The following TBC1D20 variants were observed in gnomAD, a reference collection of about 807,000 sequenced individuals.
The protein encoded by TBC1D20 is chromosome 20 open reading frame 140.
A neutral mutation model predicts 41.6 loss-of-function variants in TBC1D20; 12 were observed. That is an observed-to-expected ratio of 0.29 (90% CI 0.18 to 0.47). The LOEUF (loss-of-function observed/expected upper bound fraction) is 0.47. TBC1D20 is among the 20% of genes least tolerant of loss of function. The pLI, the probability that TBC1D20 is intolerant of heterozygous loss-of-function variation, is 1.00. For synonymous variants in TBC1D20, 205 were observed against 204.8 expected (o/e 1.00, Z -0.01); for missense variants, 421 against 517.4 (o/e 0.81, Z 1.81).
chr20:450,031 G>C (rs1299663412), intron 1 of TBC1D20, among the ~76,000 whole-genome samples: 1 of 151,938 alleles, frequency 6.6e-6, no homozygotes, highest in Non-Finnish European at 1.5e-5. Context: ...ATTTTTTCCT[G>C]TTGTTTAAAT....
chr20:440,204 T>TGGGTGATGGTGAACCC (rs1204851359), intron 6 of TBC1D20, 44 bp downstream of exon 6: 2 of 1,600,664 alleles, frequency 1.2e-6, no homozygotes, highest in African/African-American at 1.3e-5. Flanking sequence ...CACAGTGGGA[T>TGGGTGATGGTGAACCC]GGGTGATGGT....
intron 3 of TBC1D20, among the ~76,000 whole-genome samples, chr20:442,733 TAC>T (rs2017261322): frequency 1.3e-5 from 2 of 152,214 alleles, no homozygotes; most frequent in Admixed American, 6.5e-5. Context: ...GTTTGCAACT[TAC>T]TCTTAAATAG....
intron 5 of TBC1D20, chr20:440,680 C>T (rs577387085): frequency 6.1e-5 from 19 of 309,552 alleles, no homozygotes; most frequent in Admixed American, 3.8e-4. Context: ...CAGAGAACTA[C>T]GCCATGATTC....
chr20:441,437 C>T, intron 5 of TBC1D20, 151 bp downstream of exon 5: 1 of 664,358 alleles, frequency 1.5e-6, no homozygotes, highest in Non-Finnish European at 2.6e-6. Flanking sequence ...CTGAATTACC[C>T]AGATTGCTGG....
In TBC1D20 at chr20:448,046, C is replaced by T; in HGVS notation, c.99G>A (p.Val33=). ...TGTTCAGAGCCTGGTGTATCTCTGC[C>T]ACTTTCTTTTTCCTTTTGGCGTTAA... ...ADFNAKRKKK[V]AEIHQALNSD... is the part of the protein sequence containing the mutation. Residue 33 remains valine, a synonymous_variant, in exon 2 of 8, where the codon GTG becomes GTA. Transcript: ENST00000354200. 4 of 1,613,608 alleles carry T rather than the reference C, an allele frequency of 2.5e-6. No individual in the cohort carries two copies. The Middle Eastern group carries it at 5.0e-4, about 200-fold the overall frequency.
chr20:459,063 C>G (rs527326812), intron 1 of TBC1D20, among the ~76,000 whole-genome samples: 77 of 152,244 alleles, frequency 5.1e-4, no homozygotes, highest in African/African-American at 1.6e-3. Context: ...GAAGAGGAAA[C>G]AGAAAATTCA....
At chr20:442,469 A>G (rs1313540472) in intron 3 of TBC1D20, among the ~76,000 whole-genome samples, 2 of 152,242 alleles carry the variant, frequency 1.3e-5, no homozygotes, top group Non-Finnish European at 2.9e-5. Flanking sequence ...ACTCTCATAC[A>G]ATACAAAGGA....
intron 2 of TBC1D20, 69 bp from the exon 3 acceptor site, chr20:445,199 G>T: frequency 8.1e-7 from 1 of 1,240,186 alleles, no homozygotes; most frequent in Non-Finnish European, 1.2e-6. Context: ...AACATTCTGG[G>T]ATGACACAAA....
At chr20:440,049 A>G (rs113550715) in intron 6 of TBC1D20, among the ~76,000 whole-genome samples, 199 bp downstream of exon 6, 1 of 152,240 alleles carries the variant, frequency 6.6e-6, no homozygotes. Context: ...GATTTTGTTT[A>G]TACCCAGCAT....
chr20:447,834 T>C (rs2017364439), intron 2 of TBC1D20, 55 bp downstream of exon 2: 1 of 1,454,792 alleles, frequency 6.9e-7, no homozygotes, highest in African/African-American at 1.4e-5. Flanking sequence ...CCTGGAATTC[T>C]TTTCCCCCTG....
At chr20:458,082 T>C (rs765442172) in intron 1 of TBC1D20, among the ~76,000 whole-genome samples, 4 of 152,164 alleles carry the variant, frequency 2.6e-5, no homozygotes, top group South Asian at 2.1e-4. Context: ...AAGAGTATGA[T>C]AATTTTTCTT....
chr20:441,689 C>T lies in TBC1D20; in HGVS notation c.525G>A (p.Arg175=). 6.2e-7 allele frequency: 1 copy of T among 1,613,734 alleles called. No homozygotes were observed. The highest frequency in any genetic ancestry group is 1.3e-5 in the African/African-American group (1 of 74,912). ...TGTCCATTGTTGGATCCATAAAATC[C>T]CTGGAGGGAGACAATTCAATAAGCC... ...LVEKLSTHHL[R]DFMDPTMDNT... Residue 175 remains arginine, a splice_region_variant and synonymous_variant, in exon 5 of 8, where the codon AGG becomes AGA. Transcript: ENST00000354200.
chr20:462,115 C>T (rs2017642530), intron 1 of TBC1D20, among the ~76,000 whole-genome samples: 1 of 152,214 alleles, frequency 6.6e-6, no homozygotes, highest in Non-Finnish European at 1.5e-5. Flanking sequence ...TGCCGCCAGG[C>T]TCCCTCGGGT....
rs909123808 is a variant in TBC1D20, at chr20:440,320, G to T, written c.696C>A (p.Phe232Leu). Residue 232 changes from phenylalanine (F) to leucine (L), a missense_variant, in exon 6 of 8, where the codon TTC becomes TTA. By Grantham distance (22) the Phe-to-Leu change is conservative (BLOSUM62 0). Transcript: ENST00000354200. ...ITWFGHVLSD[F>L]RHVVRLYDFF... Reference sequence around the variant, plus strand: ...AGTCATATAACCGCACGACGTGCCTGAAGTCAGACAGGACATGCCCAAACC... The same window carrying T: ...AGTCATATAACCGCACGACGTGCCTTAAGTCAGACAGGACATGCCCAAACC... The T allele has an allele frequency of 1.2e-6, 2 of 1,614,172 alleles. No homozygotes were observed. The highest frequency in any genetic ancestry group is 1.7e-6 in the Non-Finnish European group (2 of 1,180,042).
intron 1 of TBC1D20, chr20:450,555 AG>A (rs2017426172): frequency 1.3e-5 from 2 of 152,310 alleles, no homozygotes; most frequent in South Asian, 4.1e-4. Flanking sequence ...CTGCATACAA[AG>A]GAACTGTTTC....
intron 1 of TBC1D20, among the ~76,000 whole-genome samples, chr20:460,825 C>A (rs970993492): frequency 5.9e-5 from 9 of 152,140 alleles, no homozygotes; most frequent in African/African-American, 1.9e-4. Context: ...TCCCATTCAT[C>A]CAGAGAAGCA....
intron 1 of TBC1D20, among the ~76,000 whole-genome samples, chr20:449,461 GGCA>G (rs1343314204): frequency 6.6e-6 from 1 of 151,000 alleles, no homozygotes; most frequent in Admixed American, 6.6e-5. Context: ...CAGGCGTGGT[GGCA>G]TGCACCTGTA....
At position 440,579 on chromosome 20, in the gene TBC1D20, C is replaced by T. The variant is rs985510372; in HGVS notation, c.627-190G>A. On this transcript the variant is annotated intron_variant, in intron 5 of 7. Transcript: ENST00000354200. ...TCTTTAAGGTGTACCACAACACTAA[C>T]ACCACAACAGGGTCCTGGCTGCTTT... 1.5e-5 allele frequency: 10 copies of T among 679,580 alleles called. No homozygotes were observed. The African/African-American group carries it at 1.8e-4, about 12-fold the overall frequency. The allele number at this position is 679,580 out of a possible 1,614,324, so 42.1% of individuals were successfully genotyped here. A position where few individuals can be genotyped will look rare whatever the true frequency, so the allele number is the denominator to read the frequency against.
rs145649378 is a variant in TBC1D20 at position 440,733 on chromosome 20, T to C, written c.627-344A>G. The C allele has an allele frequency of 4.6e-3, 901 of 196,896 alleles. 9 individuals are homozygous for C. The highest frequency in any genetic ancestry group is 0.019 in the African/African-American group (803 of 42,796). 12.2% of individuals were successfully genotyped at this position (196,896 alleles called of 1,614,324 possible). ...TACCCTTCTGGGGGGCACAGGTACA[T>C]ATTCCCAAGCCTGAAAACATGACTG... On this transcript the variant is annotated intron_variant, in intron 5 of 7. Coordinates refer to ENST00000354200, the MANE Select transcript of TBC1D20 (RefSeq NM_144628.4).
Sources: allele counts gnomAD v4.1 joint callset (sites outside exome capture counted in the v4.1 genomes callset), GRCh38; gene constraint gnomAD v4.1.1; transcripts MANE v1.5; gene names NCBI Gene and HGNC (gene_info 2026-07-23, HGNC 2026-07-21).